The following SH3RF3 variants were observed in gnomAD, a reference collection of about 807,000 sequenced individuals.
SH3RF3 encodes SH3 domain containing ring finger 3.
A neutral mutation model predicts 66.3 loss-of-function variants in SH3RF3; 29 were observed. The ratio of observed to expected loss-of-function variants is 0.44; its 90% CI spans 0.33 to 0.60. SH3RF3 has a LOEUF of 0.60. Among genes scored for constraint, SH3RF3 ranks in the 20% least tolerant of loss-of-function variants. The pLI is 0.04. For missense variants in SH3RF3, 1,194 were observed against 1,190.9 expected (o/e 1.00, Z -0.04); for synonymous variants, 583 against 532.0 (o/e 1.10, Z -1.32).
At position 109,324,748 on chromosome 2, in the gene SH3RF3, T is replaced by A. The variant is rs577238127; in HGVS notation, c.574-22926T>A. Among the ~76,000 whole-genome samples the A allele has an allele frequency of 5.6e-4, 85 of 152,284 alleles. 2 individuals are homozygous for A. The highest frequency in any genetic ancestry group is 1.8e-3 in the African/African-American group (76 of 41,558). On this transcript the variant is annotated intron_variant, in intron 1 of 9. Coordinates refer to ENST00000309415, the MANE Select transcript of SH3RF3 (RefSeq NM_001099289.3). The stretch of plus-strand genomic sequence containing the variant: ...TTAGAATTGCTGCATAAGCGCCAAA[T>A]GACTTGAAGGAGAGCATGAATGTCC...
intron 1 of SH3RF3, among the ~76,000 whole-genome samples, chr2:109,231,898 C>T (rs994991763): frequency 5.3e-5 from 8 of 152,094 alleles, no homozygotes; most frequent in African/African-American, 2.4e-5. Context: ...TGTAATTTGC[C>T]CTTTTAAAGT....
chr2:109,204,907 C>T (rs1172945009), intron 1 of SH3RF3, among the ~76,000 whole-genome samples: 1 of 152,138 alleles, frequency 6.6e-6, no homozygotes, highest in Non-Finnish European at 1.5e-5. Flanking sequence ...AGAAGTCTGC[C>T]TTTTAAAGTA....
At chr2:109,431,205 T>C (rs1013959051) in intron 5 of SH3RF3, among the ~76,000 whole-genome samples, 4 of 152,192 alleles carry the variant, frequency 2.6e-5, no homozygotes, top group African/African-American at 9.7e-5. Flanking sequence ...TCCCCAGAGA[T>C]GCACTGTGTG....
chr2:109,377,855 T>C (rs1416364622), intron 3 of SH3RF3, among the ~76,000 whole-genome samples: 1 of 152,180 alleles, frequency 6.6e-6, no homozygotes, highest in Non-Finnish European at 1.5e-5. Context: ...AGGCTATTAT[T>C]TTGAACCTCT....
chr2:109,429,304 G>A (rs1028470618), intron 5 of SH3RF3, among the ~76,000 whole-genome samples: 7 of 152,042 alleles, frequency 4.6e-5, no homozygotes, highest in Non-Finnish European at 8.8e-5. Context: ...TCCCCTACGA[G>A]GCACCCAGAG....
chr2:109,365,219 T>C (rs1047321350), intron 2 of SH3RF3, among the ~76,000 whole-genome samples: 2 of 152,170 alleles, frequency 1.3e-5, no homozygotes, highest in African/African-American at 4.8e-5. Context: ...TCTCTGATAT[T>C]CACTATGAAG....
chr2:109,471,607 G>T (rs1482500233), intron 8 of SH3RF3, among the ~76,000 whole-genome samples: 3 of 152,188 alleles, frequency 2.0e-5, no homozygotes, highest in Admixed American at 2.0e-4. Context: ...GCTCATGTAG[G>T]CCCAGACACT....
At chr2:109,490,070 TC>T (rs1260951664) in intron 8 of SH3RF3, among the ~76,000 whole-genome samples, 1 of 152,184 alleles carries the variant, frequency 6.6e-6, no homozygotes, top group East Asian at 1.9e-4. Context: ...TTTGTTTTCC[TC>T]CTCTGAGCCA....
intron 1 of SH3RF3, among the ~76,000 whole-genome samples, chr2:109,177,803 C>A (rs1677957604): frequency 6.6e-6 from 1 of 152,226 alleles, no homozygotes; most frequent in African/African-American, 2.4e-5. Context: ...GCCTATTAGA[C>A]AAGGCAATTT....
rs188218459 is a variant in SH3RF3, at chr2:109,492,099, G to A, written c.2480+1163G>A. 2.7e-3 allele frequency among the ~76,000 whole-genome samples: 417 copies of A among 152,340 alleles called. 1 individual carries two copies. The highest frequency in any genetic ancestry group is 9.5e-3 in the African/African-American group (397 of 41,576). On this transcript the variant is annotated intron_variant, in intron 9 of 9. Coordinates refer to ENST00000309415, the MANE Select transcript of SH3RF3 (RefSeq NM_001099289.3). Reference sequence around the variant, plus strand: ...TGGTGACCACGTCCTCTGCCTTCACGGTGGAAGCGTGGCCACACACTGTAT... The same window carrying A: ...TGGTGACCACGTCCTCTGCCTTCACAGTGGAAGCGTGGCCACACACTGTAT...
At chr2:109,279,203 A>G (rs577190691) in intron 1 of SH3RF3, among the ~76,000 whole-genome samples, 137 of 152,346 alleles carry the variant, frequency 9.0e-4, no homozygotes, top group African/African-American at 3.1e-3. Flanking sequence ...AGAGGCTGAC[A>G]TGAAGCGTGC....
chr2:109,225,193 A>G lies in SH3RF3; in HGVS notation c.573+95080A>G, dbSNP rs114490203. Among the ~76,000 whole-genome samples the G allele has an allele frequency of 2.7e-3, 404 of 152,252 alleles. 2 individuals carry two copies. The highest frequency in any genetic ancestry group is 9.3e-3 in the African/African-American group (387 of 41,530). On this transcript the variant is annotated intron_variant, in intron 1 of 9. Transcript: ENST00000309415. Reference sequence around the variant, plus strand: ...TGGCTTCTGCTAGTTCTGAGATTCTATCTTGCCCCATTCTTGGCAACTGGG... The same window carrying G: ...TGGCTTCTGCTAGTTCTGAGATTCTGTCTTGCCCCATTCTTGGCAACTGGG...
intron 1 of SH3RF3, among the ~76,000 whole-genome samples, chr2:109,298,675 C>T (rs532871869): frequency 1.3e-3 from 191 of 152,226 alleles, no homozygotes; most frequent in Non-Finnish European, 2.3e-3. Flanking sequence ...GCCAGGCCTT[C>T]CCTGGCTCCT....
intron 8 of SH3RF3, among the ~76,000 whole-genome samples, chr2:109,482,117 C>T (rs1406322955): frequency 5.9e-5 from 9 of 152,218 alleles, no homozygotes; most frequent in East Asian, 3.9e-4. Context: ...GGTTCGAATG[C>T]GGCTTGTGCA....
chr2:109,492,650 A>G (rs1679159470), intron 9 of SH3RF3, among the ~76,000 whole-genome samples: 1 of 152,148 alleles, frequency 6.6e-6, no homozygotes, highest in Non-Finnish European at 1.5e-5. Flanking sequence ...GAGGTTTTGT[A>G]AAAGGCTAGG....
At chr2:109,318,605 G>A (rs1681942663) in intron 1 of SH3RF3, among the ~76,000 whole-genome samples, 1 of 152,216 alleles carries the variant, frequency 6.6e-6, no homozygotes, top group African/African-American at 2.4e-5. Context: ...TGAGGGGATC[G>A]TCTCATGCTC....
chr2:109,176,960 T>C (rs1355120188), intron 1 of SH3RF3, among the ~76,000 whole-genome samples: 1 of 152,058 alleles, frequency 6.6e-6, no homozygotes, highest in African/African-American at 2.4e-5. Flanking sequence ...ATTTGGCATT[T>C]TAGGTGAGGT....
At position 109,503,457 on chromosome 2, in the gene SH3RF3, A is replaced by G. The variant is rs1267027849; in HGVS notation, c.*1786A>G. The G allele has an allele frequency of 6.6e-6, 1 of 152,138 alleles. No individual in the cohort carries two copies. The highest frequency in any genetic ancestry group is 2.4e-5 in the African/African-American group (1 of 41,422). The allele number at this position is 152,138 out of a possible 1,614,324, so 9.4% of individuals were successfully genotyped here. A position where few individuals can be genotyped will look rare whatever the true frequency, so the allele number is the denominator to read the frequency against. Reference sequence around the variant, plus strand: ...TCATGCCTTTCCCTCCCCCAAGATGATAATAGATTTAATAGACTCAAAGAA... The same window carrying G: ...TCATGCCTTTCCCTCCCCCAAGATGGTAATAGATTTAATAGACTCAAAGAA... On this transcript the variant is annotated 3_prime_UTR_variant, in exon 10 of 10. Coordinates refer to ENST00000309415, the MANE Select transcript of SH3RF3 (RefSeq NM_001099289.3).
At chr2:109,240,358 C>T (rs931832925) in intron 1 of SH3RF3, among the ~76,000 whole-genome samples, 4 of 152,232 alleles carry the variant, frequency 2.6e-5, no homozygotes, top group East Asian at 1.9e-4. Flanking sequence ...TGTGGTGGCT[C>T]ATGCCTGTAA....
Sources: allele counts gnomAD v4.1 joint callset (sites outside exome capture counted in the v4.1 genomes callset), GRCh38; gene constraint gnomAD v4.1.1; transcripts MANE v1.5; gene names NCBI Gene and HGNC (gene_info 2026-07-23, HGNC 2026-07-21).